Variants in PRKD1 observed in about 807,000 individuals in gnomAD.
PRKD1 encodes protein kinase D1, also known as serine/threonine-protein kinase D1.
In PRKD1, 63 loss-of-function variants were observed where a neutral mutation model predicts 95.9. The ratio of observed to expected loss-of-function variants is 0.66; its 90% confidence interval spans 0.54 to 0.81. PRKD1 has a LOEUF of 0.81. Ranked by LOEUF, PRKD1 falls within the 30% of genes least tolerant of loss-of-function variation. The pLI, the probability that PRKD1 is intolerant of heterozygous loss-of-function variation, is 0.00. For synonymous variants in PRKD1, 425 were observed against 423.1 expected, an observed-to-expected ratio of 1.00 and a Z score of -0.05; for missense variants, 1,048 against 1,165.3, an observed-to-expected ratio of 0.90 and a Z score of 1.47.
intron 1 of PRKD1, among the ~76,000 whole-genome samples, chr14:29,798,117 T>C (rs1298491839): frequency 6.6e-6 from 1 of 152,208 alleles, no homozygotes. Flanking sequence ...CAACAGAAAT[T>C]TTAACAATTA....
At chr14:29,791,388 T>C (rs994383509) in intron 1 of PRKD1, among the ~76,000 whole-genome samples, 2 of 152,156 alleles carry the variant, frequency 1.3e-5, no homozygotes, top group East Asian at 1.9e-4. Context: ...GTCATATCAA[T>C]GTAACACTGA....
chr14:29,662,966 T>A (rs1488311582), intron 4 of PRKD1, among the ~76,000 whole-genome samples: 1 of 150,372 alleles, frequency 6.7e-6, no homozygotes, highest in Non-Finnish European at 1.5e-5. Flanking sequence ...CCACAATTTT[T>A]ATTTTGTTTC....
intron 1 of PRKD1, 57 bp downstream of exon 1, chr14:29,927,192 G>A: frequency 7.0e-7 from 1 of 1,423,490 alleles, no homozygotes; most frequent in East Asian, 3.2e-5. Context: ...GGGCCAGCCG[G>A]GCAGCGCCCC....
At chr14:29,658,431 G>A (rs1197737317) in intron 4 of PRKD1, among the ~76,000 whole-genome samples, 1 of 151,884 alleles carries the variant, frequency 6.6e-6, no homozygotes, top group Non-Finnish European at 1.5e-5. Context: ...ATGACTCCTA[G>A]GATGTCCAAA....
chr14:29,717,604 TATC>T (rs1885679340), intron 2 of PRKD1, among the ~76,000 whole-genome samples: 1 of 152,188 alleles, frequency 6.6e-6, no homozygotes, highest in African/African-American at 2.4e-5. Context: ...GTGCATAACA[TATC>T]ATAAATATAT....
chr14:29,640,972 T>A (rs771397680), intron 4 of PRKD1, among the ~76,000 whole-genome samples: 1 of 152,204 alleles, frequency 6.6e-6, no homozygotes, highest in Non-Finnish European at 1.5e-5. Context: ...AAACTGAATA[T>A]TTTCTTTTCA....
chr14:29,810,310 GT>G (rs1890427562), intron 1 of PRKD1, among the ~76,000 whole-genome samples: 1 of 152,094 alleles, frequency 6.6e-6, no homozygotes, highest in Non-Finnish European at 1.5e-5. Flanking sequence ...ACCTTGAATT[GT>G]AAAAAAAATG....
At chr14:29,757,830 C>A (rs531190359) in intron 1 of PRKD1, among the ~76,000 whole-genome samples, 23 of 151,882 alleles carry the variant, frequency 1.5e-4, no homozygotes, top group Non-Finnish European at 3.1e-4. Flanking sequence ...GGGGACCTTG[C>A]CAAAGTCAGA....
At chr14:29,809,985 T>C (rs1235137676) in intron 1 of PRKD1, among the ~76,000 whole-genome samples, 1 of 152,196 alleles carries the variant, frequency 6.6e-6, no homozygotes, top group Non-Finnish European at 1.5e-5. Context: ...GAGTTATTAA[T>C]TGGCTTAATT....
intron 1 of PRKD1, among the ~76,000 whole-genome samples, chr14:29,775,105 G>C (rs1888677969): frequency 6.6e-6 from 1 of 151,988 alleles, no homozygotes; most frequent in African/African-American, 2.4e-5. Context: ...ATTCTTGTCT[G>C]ATTTATGAAA....
chr14:29,854,025 G>T (rs1159647357), intron 1 of PRKD1, among the ~76,000 whole-genome samples: 1 of 152,160 alleles, frequency 6.6e-6, no homozygotes, highest in African/African-American at 2.4e-5. Flanking sequence ...CCCAGTCTCG[G>T]ATATGTTTTT....
At chr14:29,609,541 T>G (rs370145347) in intron 13 of PRKD1, among the ~76,000 whole-genome samples, 1 of 62,192 alleles carries the variant, frequency 1.6e-5, no homozygotes, top group African/African-American at 4.8e-5. Context: ...CACACACATA[T>G]ATATATTTTA....
At chr14:29,849,604 G>A (rs1373832124) in intron 1 of PRKD1, among the ~76,000 whole-genome samples, 5 of 148,134 alleles carry the variant, frequency 3.4e-5, no homozygotes, top group African/African-American at 7.5e-5. Flanking sequence ...ATCAGAAAAC[G>A]CCCTAAACAG....
At chr14:29,847,838 T>C (rs1314436908) in intron 1 of PRKD1, among the ~76,000 whole-genome samples, 1 of 151,856 alleles carries the variant, frequency 6.6e-6, no homozygotes, top group Non-Finnish European at 1.5e-5. Context: ...ATTTAAAGCA[T>C]ACACACACAT....
chr14:29,834,232 TAGA>T (rs1343713983), intron 1 of PRKD1, among the ~76,000 whole-genome samples: 1 of 152,140 alleles, frequency 6.6e-6, no homozygotes, highest in Non-Finnish European at 1.5e-5. Flanking sequence ...ATTGTTTTAG[TAGA>T]AGAATAAGTT....
chr14:29,857,109 A>T (rs1892535004), intron 1 of PRKD1, among the ~76,000 whole-genome samples: 1 of 152,056 alleles, frequency 6.6e-6, no homozygotes, highest in Non-Finnish European at 1.5e-5. Flanking sequence ...CTTCTTATGA[A>T]CCCTTCAGGA....
chr14:29,719,507 T>C (rs1885782556), intron 2 of PRKD1, among the ~76,000 whole-genome samples: 2 of 152,146 alleles, frequency 1.3e-5, no homozygotes. Flanking sequence ...ACTATTTCTG[T>C]TTACTTGTTC....
intron 1 of PRKD1, among the ~76,000 whole-genome samples, chr14:29,813,898 T>A (rs1478704332): frequency 6.6e-6 from 1 of 152,144 alleles, no homozygotes; most frequent in Non-Finnish European, 1.5e-5. Context: ...ACAAAAAAGT[T>A]AGGGATCAAA....
intron 1 of PRKD1, among the ~76,000 whole-genome samples, chr14:29,799,663 G>A (rs558088461): frequency 2.0e-4 from 30 of 152,346 alleles, no homozygotes; most frequent in Non-Finnish European, 2.9e-4. Context: ...CTTCCAGGAA[G>A]ACCCAAACTG....
Sources: allele counts gnomAD v4.1 joint callset (sites outside exome capture counted in the v4.1 genomes callset), GRCh38; gene constraint gnomAD v4.1.1; transcripts MANE v1.5; gene names NCBI Gene and HGNC (gene_info 2026-07-23, HGNC 2026-07-21).